The following CHCHD6 variants were observed in gnomAD, a reference collection of about 807,000 sequenced individuals.
CHCHD6 encodes MICOS complex subunit MIC25.
In CHCHD6, 28 loss-of-function variants were observed where a neutral mutation model predicts 32.3. The ratio of observed to expected loss-of-function variants is 0.87; its 90% CI spans 0.64 to 1.19. The LOEUF is 1.19. Ranked by LOEUF, CHCHD6 falls within the 50% of genes most tolerant of loss-of-function variation. CHCHD6 has a pLI of 0.00. For synonymous variants in CHCHD6, 122 were observed against 117.5 expected, an observed-to-expected ratio of 1.04 and a Z score of -0.25; for missense variants, 333 against 307.0, an observed-to-expected ratio of 1.08 and a Z score of -0.63.
chr3:126,934,502 TG>T (rs2078449346), intron 6 of CHCHD6, among the ~76,000 whole-genome samples: 1 of 141,810 alleles, frequency 7.1e-6, no homozygotes, highest in South Asian at 2.3e-4. Context: ...ACGTCAGGGC[TG>T]GGGAACACTT....
At chr3:126,927,932 A>G (rs1393401212) in intron 6 of CHCHD6, among the ~76,000 whole-genome samples, 7 of 152,204 alleles carry the variant, frequency 4.6e-5, no homozygotes, top group African/African-American at 1.7e-4. Flanking sequence ...CTCATCACAG[A>G]CAGGGCCTTT....
intron 4 of CHCHD6, among the ~76,000 whole-genome samples, chr3:126,771,209 C>CT (rs58996472): frequency 0.07 from 9,767 of 138,804 alleles, 912 homozygotes; most frequent in African/African-American, 0.21. Flanking sequence ...TTTTCCTTTT[C>CT]TTTTTTTTTT....
At chr3:126,722,736 C>T (rs1338810235) in intron 1 of CHCHD6, among the ~76,000 whole-genome samples, 10 of 152,156 alleles carry the variant, frequency 6.6e-5, no homozygotes, top group Non-Finnish European at 1.2e-4. Flanking sequence ...TACATATTTT[C>T]TCCCATTCTG....
At chr3:126,950,772 G>C (rs1278235013) in intron 6 of CHCHD6, among the ~76,000 whole-genome samples, 1 of 152,190 alleles carries the variant, frequency 6.6e-6, no homozygotes, top group African/African-American at 2.4e-5. Context: ...TCATGGATGG[G>C]AAAGAAAGGC....
chr3:126,739,320 A>T (rs917720426), intron 4 of CHCHD6, among the ~76,000 whole-genome samples: 1 of 151,974 alleles, frequency 6.6e-6, no homozygotes, highest in Admixed American at 6.6e-5. Flanking sequence ...CTTTGCAGTC[A>T]CATGTGGTCT....
chr3:126,934,841 G>A (rs553659335), intron 6 of CHCHD6, among the ~76,000 whole-genome samples: 2 of 152,174 alleles, frequency 1.3e-5, no homozygotes, highest in South Asian at 2.1e-4. Flanking sequence ...GAGCCACCAC[G>A]CCCGGCCTTC....
At chr3:126,757,849 C>G (rs2107670960) in intron 4 of CHCHD6, among the ~76,000 whole-genome samples, 1 of 152,080 alleles carries the variant, frequency 6.6e-6, no homozygotes, top group East Asian at 1.9e-4. Flanking sequence ...GTGTCAGCAA[C>G]TAATTCAGAC....
At chr3:126,909,358 G>A (rs1223792510) in intron 5 of CHCHD6, among the ~76,000 whole-genome samples, 1 of 152,184 alleles carries the variant, frequency 6.6e-6, no homozygotes, top group East Asian at 1.9e-4. Context: ...TGGCTTTGGG[G>A]CAGGGGCTGC....
intron 6 of CHCHD6, among the ~76,000 whole-genome samples, chr3:126,938,420 T>A (rs2078513865): frequency 1.3e-5 from 2 of 152,210 alleles, no homozygotes; most frequent in Admixed American, 6.5e-5. Context: ...GGTGTTTAGA[T>A]GCTGTGGAGT....
At chr3:126,730,848 T>A (rs1448723654) in intron 3 of CHCHD6, among the ~76,000 whole-genome samples, 1 of 152,024 alleles carries the variant, frequency 6.6e-6, no homozygotes, top group Non-Finnish European at 1.5e-5. Context: ...TTGTTAATGT[T>A]CCTCATGCCC....
chr3:126,737,390 G>GTATATATATATA (rs60896630), intron 4 of CHCHD6, among the ~76,000 whole-genome samples: 2,653 of 132,284 alleles, frequency 0.02, 31 homozygotes, highest in Non-Finnish European at 0.02. Context: ...TGATGTGTGA[G>GTATATATATATA]TATATATATA....
chr3:126,785,612 A>G (rs1938159205), intron 4 of CHCHD6, among the ~76,000 whole-genome samples: 1 of 152,192 alleles, frequency 6.6e-6, no homozygotes, highest in Non-Finnish European at 1.5e-5. Flanking sequence ...ACATAATATA[A>G]AATTAACCAT....
intron 5 of CHCHD6, among the ~76,000 whole-genome samples, chr3:126,875,032 C>T (rs2077522023): frequency 6.6e-6 from 1 of 152,164 alleles, no homozygotes; most frequent in Non-Finnish European, 1.5e-5. Flanking sequence ...GACCAGTGTC[C>T]CCTTTAAGAC....
chr3:126,749,177 C>A (rs1365125600), intron 4 of CHCHD6, among the ~76,000 whole-genome samples: 4 of 152,028 alleles, frequency 2.6e-5, no homozygotes, highest in Non-Finnish European at 5.9e-5. Flanking sequence ...ATGGGCATGG[C>A]AGGAAACTGG....
chr3:126,944,229 CAGG>C (rs1469900034), intron 6 of CHCHD6, among the ~76,000 whole-genome samples: 1 of 152,232 alleles, frequency 6.6e-6, no homozygotes, highest in African/African-American at 2.4e-5. Flanking sequence ...CCTGTTCAGC[CAGG>C]GGCTGGGCAC....
chr3:126,872,871 T>C (rs1228296850), intron 5 of CHCHD6, among the ~76,000 whole-genome samples: 1 of 152,188 alleles, frequency 6.6e-6, no homozygotes, highest in Non-Finnish European at 1.5e-5. Flanking sequence ...CTGATTTCCC[T>C]CGTTTCTCAC....
intron 1 of CHCHD6, among the ~76,000 whole-genome samples, chr3:126,707,715 A>T (rs1934559060): frequency 6.6e-6 from 1 of 152,196 alleles, no homozygotes; most frequent in Admixed American, 6.5e-5. Context: ...CTTTACCGTC[A>T]TGCATTGCTC....
intron 5 of CHCHD6, among the ~76,000 whole-genome samples, chr3:126,858,813 A>G (rs1338749324): frequency 6.6e-6 from 1 of 152,198 alleles, no homozygotes; most frequent in Non-Finnish European, 1.5e-5. Context: ...ATTCAGTCTA[A>G]TAGAGTTGCT....
At chr3:126,895,476 C>G (rs1369948518) in intron 5 of CHCHD6, among the ~76,000 whole-genome samples, 1 of 152,184 alleles carries the variant, frequency 6.6e-6, no homozygotes, top group Admixed American at 6.5e-5. Context: ...TGATAGCCCT[C>G]TGCACACATT....
Sources: allele counts gnomAD v4.1 joint callset (sites outside exome capture counted in the v4.1 genomes callset), GRCh38; gene constraint gnomAD v4.1.1; transcripts MANE v1.5; gene names NCBI Gene and HGNC (gene_info 2026-07-23, HGNC 2026-07-21).